The following DSP variants were observed in gnomAD, a reference collection of about 807,000 sequenced individuals.
The protein encoded by DSP is desmoplakin, also known as 250/210 kDa paraneoplastic pemphigus antigen.
A neutral mutation model predicts 290.6 loss-of-function variants in DSP; 114 were observed. The ratio of observed to expected loss-of-function variants is 0.39; its 90% CI spans 0.34 to 0.46. DSP has a LOEUF of 0.46. Among genes scored for constraint, DSP ranks in the 20% least tolerant of loss-of-function variants. The pLI, the probability that DSP is intolerant of heterozygous loss-of-function variation, is 0.99. For missense variants in DSP, 3,230 were observed against 3,495.8 expected (o/e 0.92, Z 1.92); for synonymous variants, 1,311 against 1,316.4 (o/e 1.00, Z 0.09).
intron 6 of DSP, among the ~76,000 whole-genome samples, chr6:7,564,738 C>A (rs1169416507): frequency 6.6e-6 from 1 of 152,160 alleles, no homozygotes; most frequent in Non-Finnish European, 1.5e-5. Flanking sequence ...TCCCACTTAT[C>A]CTGATTTGAT....
At chr6:7,551,910 G>T (rs1333301780) in intron 1 of DSP, among the ~76,000 whole-genome samples, 1 of 152,164 alleles carries the variant, frequency 6.6e-6, no homozygotes, top group South Asian at 2.1e-4. Flanking sequence ...CATTCACAAG[G>T]TATATACCTA....
At chr6:7,542,191 T>C in intron 1 of DSP, 106 bp downstream of exon 1, 1 of 1,464,870 alleles carries the variant, frequency 6.8e-7, no homozygotes, top group Non-Finnish European at 9.2e-7. Context: ...GGAAAGGTTT[T>C]TTTGCCCCAG....
rs1758521703 is a variant in DSP, at chr6:7,556,941, T to C, written c.273+1121T>C. 2.6e-5 allele frequency among the ~76,000 whole-genome samples: 4 copies of C among 152,228 alleles called. No homozygotes were observed. The South Asian group carries it at 8.3e-4, about 32-fold the overall frequency. On this transcript the variant is annotated intron_variant, in intron 2 of 23. Transcript: ENST00000379802. ...ACACACACACGTCATTTGTAGTGAC[T>C]ATGGATACGTTTTACATGTAGCTCT...
Position 7,584,101 on chromosome 6 carries a change from T to G in DSP, c.6839T>G (p.Ile2280Ser). ...CTTGGCATTTATGAGGCCATGAAAA[T>G]TGGCTTAGTCCGACCTGGTACTGCT... ...QKLGIYEAMK[I>S]GLVRPGTALE... The change falls in exon 24 of 24, where the codon ATT (isoleucine) becomes AGT (serine). Residue 2280 changes from isoleucine to serine, a missense_variant. This residue lies in a region of DSP where 207 missense variants were observed against 281.2 expected (regional missense o/e 0.74). Transcript: ENST00000379802. The surrounding 1 kb of genome is among the most constrained non-coding windows in gnomAD (Gnocchi z 6.4). The G allele has an allele frequency of 6.2e-7, 1 of 1,614,048 alleles. No homozygotes were observed. Among genetic ancestry groups the G allele is most frequent in the Non-Finnish European group, 8.5e-7 (1 of 1,180,016 alleles).
In DSP at chr6:7,585,562, C is replaced by G. The variant is rs34884895; in HGVS notation, c.8300C>G (p.Thr2767Ser). Reference sequence around the variant, plus strand: ...CGCGCCGCACAGAGGCTGCAAGACACCAGCAGCTATGCCAAAATCCTGACC... The same window carrying G: ...CGCGCCGCACAGAGGCTGCAAGACAGCAGCAGCTATGCCAAAATCCTGACC... ...DGRAAQRLQD[T>S]SSYAKILTCP... The change falls in exon 24 of 24, where the codon ACC (threonine) becomes AGC (serine). Residue 2767 changes from threonine (T) to serine (S), a missense_variant. Physicochemically the swap from Thr to Ser is moderately conservative, Grantham distance 58. Around this residue, in one of 5 missense-constraint regions of DSP, gnomAD observed 582 missense variants for 555.4 expected, o/e 1.05. Coordinates refer to ENST00000379802, the MANE Select transcript of DSP (RefSeq NM_004415.4). 6 of 1,614,108 alleles carry G rather than the reference C, an allele frequency of 3.7e-6. No individual in the cohort carries two copies. Among genetic ancestry groups the G allele is most frequent in the African/African-American group, 1.3e-5 (1 of 75,014 alleles).
chr6:7,585,867 A>G lies in DSP; in HGVS notation c.8605A>G (p.Ile2869Val), dbSNP rs28763971. Residue 2869 changes from isoleucine (I) to valine (V), a missense_variant, in exon 24 of 24, where the codon ATT (isoleucine) becomes GTT (valine). Physicochemically the swap from Ile to Val is conservative, Grantham distance 29. Coordinates refer to ENST00000379802, the MANE Select transcript of DSP (RefSeq NM_004415.4). ...TTCCTACTCATTTAGCAGTAGTTCTATTGGGCACTAGTAGTCAGTTGGGAG... is the reference window on the plus strand; with the variant it reads ...TTCCTACTCATTTAGCAGTAGTTCTGTTGGGCACTAGTAGTCAGTTGGGAG... The part of the protein sequence containing the change: ...SYSYSFSSSS[I>V]GH 6.6e-4 allele frequency: 1,058 copies of G among 1,613,942 alleles called. 12 individuals carry two copies. In the East Asian group the frequency reaches 0.018, roughly 28 times the overall value.
intron 15 of DSP, among the ~76,000 whole-genome samples, chr6:7,572,752 G>A (rs558619869): frequency 2.0e-5 from 3 of 152,210 alleles, no homozygotes; most frequent in Admixed American, 1.3e-4. Flanking sequence ...CTTAATGACC[G>A]GGGCACATTC....
In DSP at chr6:7,585,384, T is replaced by A. The variant is rs924262414; in HGVS notation, c.8122T>A (p.Ser2708Thr). 1 of 1,613,974 alleles carries A rather than the reference T, an allele frequency of 6.2e-7. No homozygotes were observed. Among genetic ancestry groups the A allele is most frequent in the African/African-American group, 1.3e-5 (1 of 74,984 alleles). Residue 2708 changes from serine (S) to threonine (T), a missense_variant, in exon 24 of 24, where the codon TCA becomes ACA. This residue lies in a region of DSP where 582 missense variants were observed against 555.4 expected (regional missense o/e 1.05). Coordinates refer to ENST00000379802, the MANE Select transcript of DSP (RefSeq NM_004415.4). ...FEGVKGKKKM[S>T]AAEAVKEKWL... ...GGGTGTGAAGGGAAAGAAGAAGATG[T>A]CAGCAGCAGAGGCAGTGAAAGAAAA...
chr6:7,580,660 C>T lies in DSP; in HGVS notation c.4470C>T (p.Ile1490=), dbSNP rs1759402221. The part of the protein sequence containing the change: ...NKEIERLKQL[I]DKETNDRKCL... ...AGATAGAAAGGTTAAAACAACTGAT[C>T]GACAAAGAAACAAATGACCGGAAAT... The change falls in exon 23 of 24, where the codon ATC becomes ATT. Residue 1490 remains isoleucine (I), a synonymous_variant. Transcript: ENST00000379802. The surrounding 1 kb of genome is among the most constrained non-coding windows in gnomAD (Gnocchi z 4.2). 4 of 1,613,794 alleles carry T rather than the reference C, an allele frequency of 2.5e-6. No individual in the cohort carries two copies. Among genetic ancestry groups the T allele is most frequent in the African/African-American group, 1.3e-5 (1 of 74,848 alleles).
chr6:7,582,918 G>C lies in DSP; in HGVS notation c.5656G>C (p.Glu1886Gln), dbSNP rs776728790. ...EAIRKIESEREKSEREKNSLR... is the reference protein window; with the variant it reads ...EAIRKIESERQKSEREKNSLR... ...TATTAGGAAGATAGAATCGGAAAGA[G>C]AAAAGAGTGAGAGAGAGAAGAACAG... The change falls in exon 24 of 24, where the codon GAA becomes CAA. Residue 1886 changes from glutamate to glutamine, a missense_variant. Glu to Gln is a conservative substitution (Grantham distance 29). Around this residue, in one of 5 missense-constraint regions of DSP, gnomAD observed 1,714 missense variants for 1,844.5 expected, o/e 0.93. Coordinates refer to ENST00000379802, the MANE Select transcript of DSP (RefSeq NM_004415.4). The surrounding 1 kb of genome is among the most constrained non-coding windows in gnomAD (Gnocchi z 4.2). 1.9e-6 allele frequency: 3 copies of C among 1,613,976 alleles called. No homozygotes were observed. The African/African-American group carries it at 4.0e-5, about 22-fold the overall frequency.
Position 7,584,384 on chromosome 6 carries a change from C to G in DSP, c.7122C>G (p.Thr2374=). The G allele has an allele frequency of 6.2e-7, 1 of 1,613,868 alleles. No individual in the cohort carries two copies. The highest frequency in any genetic ancestry group is 8.5e-7 in the Non-Finnish European group (1 of 1,179,928). The part of the protein sequence containing the change: ...GIRLLEAQIA[T]GGIIDPKESH... Reference sequence around the variant, plus strand: ...GCTTATTAGAAGCACAGATCGCAACCGGGGGGATCATTGACCCAAAGGAGA... The same window carrying G: ...GCTTATTAGAAGCACAGATCGCAACGGGGGGGATCATTGACCCAAAGGAGA... The change falls in exon 24 of 24, where the codon ACC becomes ACG. Residue 2374 remains threonine (T), a synonymous_variant. Coordinates refer to ENST00000379802, the MANE Select transcript of DSP (RefSeq NM_004415.4). This position sits in a 1 kb window ranked among gnomAD's most constrained non-coding sequence, Gnocchi z 6.4.
At chr6:7,575,637 T>A in intron 18 of DSP, 149 bp downstream of exon 18, 1 of 960,514 alleles carries the variant, frequency 1.0e-6, no homozygotes, top group Non-Finnish European at 1.6e-6. Context: ...ATGGACTGCC[T>A]GTATGCAGCT....
At position 7,541,936 on chromosome 6, in the gene DSP, C is replaced by T. The variant is rs750532252; in HGVS notation, c.21C>T (p.Ser7=). Residue 7 remains serine, a synonymous_variant, in exon 1 of 24, where the codon TCC becomes TCT. Coordinates refer to ENST00000379802, the MANE Select transcript of DSP (RefSeq NM_004415.4). ...CCGACATGAGCTGCAACGGAGGCTC[C>T]CACCCGCGGATCAACACTCTGGGCC... MSCNGG[S]HPRINTLGRM... 9 of 1,608,878 alleles carry T rather than the reference C, an allele frequency of 5.6e-6. No individual in the cohort carries two copies. The Admixed American group carries it at 1.2e-4, about 21-fold the overall frequency.
intron 16 of DSP, 120 bp from the exon 17 acceptor site, chr6:7,574,537 G>C (rs1759170593): frequency 6.8e-7 from 1 of 1,470,632 alleles, no homozygotes; most frequent in Admixed American, 1.7e-5. Context: ...CCAAAAAACA[G>C]ACAAAATAAA....
At chr6:7,560,208 A>G (rs1758636717) in intron 4 of DSP, among the ~76,000 whole-genome samples, 1 of 152,218 alleles carries the variant, frequency 6.6e-6, no homozygotes, top group Admixed American at 6.5e-5. Context: ...TTGTTATGCA[A>G]TTTAGATGTG....
Position 7,572,028 on chromosome 6 carries a change from G to A in DSP, c.2090G>A (p.Gly697Glu). 1 of 1,614,036 alleles carries A rather than the reference G, an allele frequency of 6.2e-7. No individual in the cohort carries two copies. The highest frequency in any genetic ancestry group is 2.2e-5 in the East Asian group (1 of 44,868). ...AAAAACCTCCCTCTAGCAGACCAGG[G>A]ATCTTCTCACCACATCACAGTGAAA... The part of the protein sequence containing the change: ...TLKNLPLADQ[G>E]SSHHITVKIN... The change falls in exon 15 of 24, where the codon GGA becomes GAA. Residue 697 changes from glycine to glutamate, a missense_variant. By Grantham distance (98) the Gly-to-Glu change is moderately conservative (BLOSUM62 -2). This residue lies in a region of DSP where 1,714 missense variants were observed against 1,844.5 expected (regional missense o/e 0.93). Transcript: ENST00000379802.
rs773949949 is a variant in DSP, at chr6:7,565,350, C to T, written c.778-9C>T. 38 of 1,613,848 alleles carry T rather than the reference C, an allele frequency of 2.4e-5. No homozygotes were observed. The highest frequency in any genetic ancestry group is 3.1e-5 in the Non-Finnish European group (37 of 1,180,010). ...TTATTTTAATGCTGCCTTTGAACCT[C>T]CTGTGCAGAAAGCGTCCTTTGAGAG... On this transcript the variant is annotated splice_polypyrimidine_tract_variant and intron_variant, in intron 6 of 23. Coordinates refer to ENST00000379802, the MANE Select transcript of DSP (RefSeq NM_004415.4). This position sits in a 1 kb window ranked among gnomAD's most constrained non-coding sequence, Gnocchi z 4.2.
chr6:7,577,742 A>T lies in DSP; in HGVS notation c.2878-37A>T. 2.6e-6 allele frequency: 4 copies of T among 1,515,704 alleles called. No individual in the cohort carries two copies. The East Asian group carries it at 9.0e-5, about 34-fold the overall frequency. 93.9% of individuals were successfully genotyped at this position (1,515,704 alleles called of 1,614,324 possible). On this transcript the variant is annotated intron_variant, in intron 20 of 23. Coordinates refer to ENST00000379802, the MANE Select transcript of DSP (RefSeq NM_004415.4). ...GCTGTTAGTGATGCTTTTTAAGTCT[A>T]TGAAGGACACTTTTCTTAAACTTCA... is the stretch of plus-strand genomic sequence containing the variant.
At position 7,541,863 on chromosome 6, in the gene DSP, G is replaced by A; in HGVS notation, c.-53G>A. 2.6e-6 allele frequency: 4 copies of A among 1,560,998 alleles called. No homozygotes were observed. The Admixed American group carries it at 5.5e-5, about 22-fold the overall frequency. Reference sequence around the variant, plus strand: ...GGCCCCCTCCGCTTTCTCCGCGCCGGCCCGCCTCGCTTATGCCTCGGCGCT... The same window carrying A: ...GGCCCCCTCCGCTTTCTCCGCGCCGACCCGCCTCGCTTATGCCTCGGCGCT... On this transcript the variant is annotated 5_prime_UTR_variant, in exon 1 of 24. Coordinates refer to ENST00000379802, the MANE Select transcript of DSP (RefSeq NM_004415.4).
Sources: allele counts gnomAD v4.1 joint callset (sites outside exome capture counted in the v4.1 genomes callset), GRCh38; gene constraint gnomAD v4.1.1; regional missense constraint gnomAD v4.1.1; non-coding constraint Gnocchi (gnomAD v3.1); transcripts MANE v1.5; gene names NCBI Gene and HGNC (gene_info 2026-07-23, HGNC 2026-07-21).